Variants in FYN observed in about 807,000 individuals in gnomAD.
FYN encodes tyrosine-protein kinase Fyn.
In FYN, 10 loss-of-function variants were observed where a neutral mutation model predicts 70.2. The observed-to-expected ratio is 0.14, with a 90% CI of 0.09 to 0.24. FYN has a LOEUF of 0.24. Among genes scored for constraint, FYN ranks in the 10% least tolerant of loss-of-function variants. FYN has a pLI of 1.00. For missense variants in FYN, 319 were observed against 673.1 expected (o/e 0.47, Z 5.82); for synonymous variants, 236 against 248.6 (o/e 0.95, Z 0.48).
chr6:111,763,210 A>C (rs12190549), intron 3 of FYN, among the ~76,000 whole-genome samples: 48,789 of 152,062 alleles, frequency 0.32, 8,827 homozygotes, highest in East Asian at 0.47. Context: ...TATACCTTAC[A>C]TGTGTGGGTT....
At chr6:111,751,853 A>G (rs916130615) in intron 3 of FYN, among the ~76,000 whole-genome samples, 1 of 152,118 alleles carries the variant, frequency 6.6e-6, no homozygotes, top group Non-Finnish European at 1.5e-5. Context: ...TCCTGAGCTC[A>G]AGCAACCCTC....
intron 12 of FYN, among the ~76,000 whole-genome samples, chr6:111,686,780 C>T (rs1018642513): frequency 1.3e-5 from 2 of 152,196 alleles, no homozygotes; most frequent in African/African-American, 4.8e-5. Flanking sequence ...GAGGGCATCT[C>T]ACGGCGAGAT....
intron 3 of FYN, among the ~76,000 whole-genome samples, chr6:111,753,018 C>G (rs1248167236): frequency 2.0e-5 from 3 of 152,000 alleles, no homozygotes; most frequent in Non-Finnish European, 4.4e-5. Context: ...AAAATAGAGG[C>G]AAAAATAGCT....
chr6:111,718,964 C>T (rs184826544), intron 4 of FYN, among the ~76,000 whole-genome samples: 21 of 152,280 alleles, frequency 1.4e-4, no homozygotes, highest in Non-Finnish European at 2.6e-4. Context: ...GTGCCTCCTC[C>T]CTAGGTGAAA....
At chr6:111,668,918 G>C (rs1405800887) in intron 13 of FYN, among the ~76,000 whole-genome samples, 1 of 152,118 alleles carries the variant, frequency 6.6e-6, no homozygotes, top group Non-Finnish European at 1.5e-5. Context: ...ACCTGCTCCT[G>C]TTGTTATGTT....
At position 111,699,581 on chromosome 6, in the gene FYN, C is replaced by T. The variant is rs747229699; in HGVS notation, c.862+523G>A. 22 of 1,614,092 alleles carry T rather than the reference C, an allele frequency of 1.4e-5. No individual in the cohort carries two copies. In the Admixed American group the frequency reaches 3.5e-4, roughly 26 times the overall value. On this transcript the variant is annotated intron_variant, in intron 9 of 13. Coordinates refer to ENST00000354650, the MANE Select transcript of FYN (RefSeq NM_002037.5). ...TCCAGACACAACGAACGACGTGCAA[C>T]TTCCCAAGCATCTTTAGCCAATCCA...
rs569762012 is a variant in FYN, at chr6:111,739,935, T to C, written c.-11-19873A>G. On this transcript the variant is annotated intron_variant, in intron 3 of 13. Coordinates refer to ENST00000354650, the MANE Select transcript of FYN (RefSeq NM_002037.5). ...GTCTCCTGGGTTCAAATAATTCTCC[T>C]GCCTCAGCCTCCCCAGTAGCTGGGA... 5.3e-5 allele frequency among the ~76,000 whole-genome samples: 8 copies of C among 152,288 alleles called. 1 individual carries two copies. In the East Asian group the frequency reaches 1.2e-3, roughly 22 times the overall value.
At position 111,748,651 on chromosome 6, in the gene FYN, G is replaced by C. The variant is rs74853145; in HGVS notation, c.-11-28589C>G. The stretch of plus-strand genomic sequence containing the variant: ...CACTAACCACATGTGGCTGGTTCAA[G>C]ATGAGATGTAATGTAAGTATAAAGC... On this transcript the variant is annotated intron_variant, in intron 3 of 13. Transcript: ENST00000354650. 2.7e-3 allele frequency among the ~76,000 whole-genome samples: 407 copies of C among 152,290 alleles called. 3 individuals are homozygous for C. Among genetic ancestry groups the C allele is most frequent in the Non-Finnish European group, 5.2e-3 (354 of 68,022 alleles).
intron 3 of FYN, among the ~76,000 whole-genome samples, chr6:111,721,518 CT>C (rs2128463347): frequency 6.6e-6 from 1 of 152,274 alleles, no homozygotes; most frequent in Admixed American, 6.5e-5. Context: ...CAACCTCTGC[CT>C]CAGCCTCACA....
intron 2 of FYN, among the ~76,000 whole-genome samples, chr6:111,796,493 T>C (rs1423864567): frequency 1.3e-5 from 2 of 152,230 alleles, no homozygotes; most frequent in Non-Finnish European, 2.9e-5. Flanking sequence ...AAGTGTACTC[T>C]ATGATGTTTA....
In FYN at chr6:111,703,006, C is replaced by T. The variant is rs1427788940; in HGVS notation, c.576G>A (p.Trp192Ter). ...KGAYSLSIRDWDDMKGDHVKH... is the reference protein window; with the variant it reads ...KGAYSLSIRD ...TGACATGGTCTCCTTTCATATCATC[C>T]CAATCACGGATAGAAAGTGAATAGG... Residue 192 changes from tryptophan (W) to a stop codon, truncating the protein, a stop_gained, in exon 8 of 14, where the codon TGG becomes TGA. Coordinates refer to ENST00000354650, the MANE Select transcript of FYN (RefSeq NM_002037.5). LOFTEE classifies it high-confidence loss of function. 1 of 1,613,826 alleles carries T rather than the reference C, an allele frequency of 6.2e-7. No individual in the cohort carries two copies. Among genetic ancestry groups the T allele is most frequent in the African/African-American group, 1.3e-5 (1 of 74,888 alleles).
At chr6:111,810,104 G>A (rs1772277261) in intron 2 of FYN, among the ~76,000 whole-genome samples, 1 of 152,162 alleles carries the variant, frequency 6.6e-6, no homozygotes, top group South Asian at 2.1e-4. Flanking sequence ...AAACTGCTTT[G>A]TAATCTGAAT....
At chr6:111,692,110 C>CG (rs1047467526) in intron 12 of FYN, among the ~76,000 whole-genome samples, 5 of 149,684 alleles carry the variant, frequency 3.3e-5, no homozygotes, top group African/African-American at 9.8e-5. Flanking sequence ...TTCCCCCCCC[C>CG]CCAGTTCAGC....
intron 3 of FYN, among the ~76,000 whole-genome samples, chr6:111,743,497 C>G (rs573384417): frequency 8.5e-5 from 13 of 152,318 alleles, no homozygotes; most frequent in South Asian, 8.3e-4. Context: ...TCAACTGAGA[C>G]AGCTCACGTG....
intron 12 of FYN, among the ~76,000 whole-genome samples, chr6:111,676,064 T>C (rs954104366): frequency 3.9e-5 from 6 of 152,136 alleles, no homozygotes; most frequent in Non-Finnish European, 8.8e-5. Flanking sequence ...TCATAGAATC[T>C]TCTATAAAAA....
At chr6:111,851,617 TGGTCC>T (rs1452983999) in intron 1 of FYN, among the ~76,000 whole-genome samples, 1 of 152,184 alleles carries the variant, frequency 6.6e-6, no homozygotes, top group Non-Finnish European at 1.5e-5. Flanking sequence ...TACAGAATTG[TGGTCC>T]ACAGGCAGGG....
At chr6:111,778,014 C>G (rs1771018462) in intron 3 of FYN, among the ~76,000 whole-genome samples, 1 of 152,188 alleles carries the variant, frequency 6.6e-6, no homozygotes, top group Admixed American at 6.5e-5. Context: ...ACACTTCATA[C>G]TGATTGTGAA....
chr6:111,686,257 T>G (rs1176461001), intron 12 of FYN, among the ~76,000 whole-genome samples: 1 of 152,102 alleles, frequency 6.6e-6, no homozygotes, highest in East Asian at 1.9e-4. Flanking sequence ...AGCTCAGAGC[T>G]TGAAGCGACA....
chr6:111,700,611 G>A (rs1399201265), intron 8 of FYN, among the ~76,000 whole-genome samples: 1 of 152,202 alleles, frequency 6.6e-6, no homozygotes, highest in Admixed American at 6.5e-5. Flanking sequence ...TTTGGTTTCT[G>A]TACTCACTGA....
Sources: gnomAD v4.1 joint callset for allele counts (sites outside exome capture counted in the v4.1 genomes callset) on GRCh38, gnomAD v4.1.1 for gene constraint, MANE v1.5 for transcripts, NCBI Gene and HGNC (gene_info 2026-07-23, HGNC 2026-07-21) for gene names.